Variants in BAALC observed in about 807,000 individuals in gnomAD.
The protein encoded by BAALC is brain and acute leukemia cytoplasmic protein.
Under a neutral mutation model 15.5 loss-of-function variants are expected in BAALC, and 9 were observed. The ratio of observed to expected loss-of-function variants is 0.58; its 90% CI spans 0.35 to 1.02. The LOEUF is 1.02. Ranked by LOEUF, BAALC falls within the 50% of genes least tolerant of loss-of-function variation. BAALC has a pLI of 0.02. For synonymous variants in BAALC, 80 were observed against 74.6 expected (o/e 1.07, Z -0.37); for missense variants, 201 against 192.4 (o/e 1.04, Z -0.27).
chr8:103,223,303 TCAAAA>T (rs1185301706), intron 2 of BAALC, among the ~76,000 whole-genome samples: 3 of 149,530 alleles, frequency 2.0e-5, no homozygotes, highest in Non-Finnish European at 3.0e-5. Context: ...AGAGACTGTC[TCAAAA>T]CAAAACAAAA....
chr8:103,184,161 G>T (rs1811785916), intron 1 of BAALC, among the ~76,000 whole-genome samples: 1 of 152,018 alleles, frequency 6.6e-6, no homozygotes, highest in African/African-American at 2.4e-5. Context: ...CTCTCTTCTG[G>T]TTCCCTCTTT....
chr8:103,165,864 G>A (rs1271800836), intron 1 of BAALC: 1 of 152,186 alleles, frequency 6.6e-6, no homozygotes, highest in African/African-American at 2.4e-5. Flanking sequence ...TACACCCCCA[G>A]AGTGTTGAGG....
In BAALC at chr8:103,200,262, T is replaced by C. The variant is rs529428884; in HGVS notation, c.161-12657T>C. 5.3e-5 allele frequency among the ~76,000 whole-genome samples: 8 copies of C among 152,344 alleles called. No individual in the cohort carries two copies. In the South Asian group the frequency reaches 1.7e-3, roughly 32 times the overall value. ...ATATACTGTTGGTGGGAATGTAAAT[T>C]TGTTCAGCCATTCTGGAAGACAGTG... On this transcript the variant is annotated intron_variant, in intron 1 of 2. Coordinates refer to ENST00000309982, the MANE Select transcript of BAALC (RefSeq NM_024812.3).
chr8:103,216,596 C>T (rs1812561734), intron 2 of BAALC, among the ~76,000 whole-genome samples: 2 of 152,128 alleles, frequency 1.3e-5, no homozygotes, highest in Admixed American at 1.3e-4. Flanking sequence ...CAAGCACAGC[C>T]TCCCAACTAA....
intron 1 of BAALC, among the ~76,000 whole-genome samples, chr8:103,141,690 A>G (rs1043625319): frequency 1.3e-5 from 2 of 152,234 alleles, no homozygotes; most frequent in Admixed American, 6.5e-5. Context: ...CTTTTGGAGC[A>G]GTTGTTCCAT....
intron 1 of BAALC, among the ~76,000 whole-genome samples, chr8:103,187,552 G>A (rs185105986): frequency 3.3e-5 from 5 of 152,312 alleles, no homozygotes; most frequent in East Asian, 1.9e-4. Context: ...GTGTTAAGCC[G>A]TAAGCTTAGA....
intron 2 of BAALC, among the ~76,000 whole-genome samples, chr8:103,224,829 G>T (rs187354522): frequency 2.6e-5 from 4 of 152,266 alleles, no homozygotes; most frequent in East Asian, 3.9e-4. Context: ...TTATGCCAGA[G>T]TCAGATTGCA....
chr8:103,162,745 G>T (rs1262511113), intron 1 of BAALC, among the ~76,000 whole-genome samples: 2 of 84,790 alleles, frequency 2.4e-5, no homozygotes, highest in African/African-American at 8.1e-5. Flanking sequence ...TTCTAGAAAA[G>T]CATGGTAGTT....
chr8:103,203,642 C>G (rs994292634), intron 1 of BAALC, among the ~76,000 whole-genome samples: 1 of 152,112 alleles, frequency 6.6e-6, no homozygotes, highest in South Asian at 2.1e-4. Context: ...TATAGAATTG[C>G]CTATTTCTGA....
chr8:103,208,576 G>C (rs1298885328), intron 1 of BAALC: 1 of 152,250 alleles, frequency 6.6e-6, no homozygotes, highest in Non-Finnish European at 1.5e-5. Flanking sequence ...GGGCTCACAA[G>C]GGGCCCTGCG....
chr8:103,156,743 C>G (rs1174626308), intron 1 of BAALC, among the ~76,000 whole-genome samples: 1 of 152,126 alleles, frequency 6.6e-6, no homozygotes, highest in Non-Finnish European at 1.5e-5. Context: ...TTTGGAAAGT[C>G]GCTGCATGTC....
At chr8:103,194,535 G>A (rs186136638) in intron 1 of BAALC, among the ~76,000 whole-genome samples, 1 of 152,276 alleles carries the variant, frequency 6.6e-6, no homozygotes, top group Admixed American at 6.5e-5. Flanking sequence ...CCCTCCCCTG[G>A]AGGTAACTAA....
intron 1 of BAALC, chr8:103,166,153 C>T (rs10099640): frequency 0.064 from 9,707 of 152,712 alleles, 442 homozygotes; most frequent in Non-Finnish European, 0.095. Flanking sequence ...GTCATCTTTG[C>T]ATCATGTCTT....
At chr8:103,217,770 C>T (rs184764980) in intron 2 of BAALC, among the ~76,000 whole-genome samples, 56 of 152,262 alleles carry the variant, frequency 3.7e-4, no homozygotes, top group African/African-American at 1.3e-3. Context: ...GCAATCCTTG[C>T]GAGGCCTGGA....
At chr8:103,145,187 T>A (rs1270633006) in intron 1 of BAALC, among the ~76,000 whole-genome samples, 2 of 152,266 alleles carry the variant, frequency 1.3e-5, no homozygotes, top group South Asian at 2.1e-4. Context: ...GCATCATCTC[T>A]AAGGATGGAA....
chr8:103,159,920 A>G (rs7819767), intron 1 of BAALC, among the ~76,000 whole-genome samples: 52,324 of 151,976 alleles, frequency 0.34, 9,370 homozygotes, highest in East Asian at 0.44. Context: ...TGTTGTTTAT[A>G]TCTCTTTTCA....
At chr8:103,161,649 C>T (rs1175323071) in intron 1 of BAALC, among the ~76,000 whole-genome samples, 1 of 151,416 alleles carries the variant, frequency 6.6e-6, no homozygotes, top group Admixed American at 6.6e-5. Context: ...AAAAGTGGTA[C>T]AGCTGGGCCA....
chr8:103,198,202 A>G (rs1812138316), intron 1 of BAALC: 1 of 695,488 alleles, frequency 1.4e-6, no homozygotes, highest in African/African-American at 1.8e-5. Context: ...AGGCATTGCA[A>G]TGTATTGATT....
chr8:103,147,490 A>G (rs1438581284), intron 1 of BAALC, among the ~76,000 whole-genome samples: 1 of 152,142 alleles, frequency 6.6e-6, no homozygotes, highest in Non-Finnish European at 1.5e-5. Context: ...TCTTCGGTTA[A>G]TAGGCCCTGG....
Sources: gnomAD v4.1 joint callset for allele counts (sites outside exome capture counted in the v4.1 genomes callset) on GRCh38, gnomAD v4.1.1 for gene constraint, MANE v1.5 for transcripts, NCBI Gene and HGNC (gene_info 2026-07-23, HGNC 2026-07-21) for gene names.